NSUN6: variants seen among roughly 807,000 people sequenced by gnomAD.
NSUN6 encodes the protein tRNA (cytosine(72)-C(5))-methyltransferase NSUN6.
A neutral mutation model predicts 58.0 loss-of-function variants in NSUN6; 64 were observed. The observed-to-expected ratio is 1.10, with a 90% CI of 0.90 to 1.36. The LOEUF is 1.36. NSUN6 is among the 40% of genes most tolerant of loss of function. The probability of loss-of-function intolerance (pLI) is 0.00; values close to 1 mark genes in which losing one functional copy is unlikely to be tolerated. For synonymous variants in NSUN6, 231 were observed against 193.9 expected, an observed-to-expected ratio of 1.19 and a Z score of -1.59; for missense variants, 701 against 550.1, an observed-to-expected ratio of 1.27 and a Z score of -2.74.
chr10:18,655,662 G>A (rs1447255013), upstream of NSUN6, among the ~76,000 whole-genome samples: 2 of 152,140 alleles, frequency 1.3e-5, no homozygotes, highest in Non-Finnish European at 2.9e-5. Context: ...AGTAAAGAGG[G>A]GCAAAGCTGT....
chr10:18,653,025 T>C (rs1317227418), upstream of NSUN6: 10 of 985,022 alleles, frequency 1.0e-5, no homozygotes, highest in Non-Finnish European at 1.1e-5. Flanking sequence ...GATTCTTTCA[T>C]GGCTAAAACA....
In NSUN6 at chr10:18,554,538, T is replaced by A. The variant is rs556005388; in HGVS notation, c.923-2567A>T. Among the ~76,000 whole-genome samples, 39 of 145,292 alleles carry A rather than the reference T, an allele frequency of 2.7e-4. 1 individual carries two copies. In the South Asian group the frequency reaches 7.9e-3, roughly 29 times the overall value. On this transcript the variant is annotated intron_variant, in intron 8 of 10. Transcript: ENST00000377304. ...CGGAACGTGGAATGCAGAATGGGTA[T>A]GAATGGAATAGAGAATTGAATGGAA... is the stretch of plus-strand genomic sequence containing the variant.
rs145369889 is a variant in NSUN6, at chr10:18,648,415, C to T, written c.231+75G>A. On this transcript the variant is annotated intron_variant, in intron 2 of 10. Coordinates refer to ENST00000377304, the MANE Select transcript of NSUN6 (RefSeq NM_182543.5). ...AAAACTGGAAGTGTATTATATCATT[C>T]ATAGGATTTTAATGGAAAACATGGT... 1.1e-4 allele frequency: 99 copies of T among 917,162 alleles called. 2 individuals are homozygous for T. The Admixed American group carries it at 1.6e-3, about 15-fold the overall frequency. 56.8% of individuals were successfully genotyped at this position (917,162 alleles called of 1,614,324 possible).
rs772988480 is a variant in NSUN6, at chr10:18,551,822, C to T, written c.1071+1G>A. On this transcript the variant is annotated splice_donor_variant, in intron 9 of 10. Transcript: ENST00000377304. LOFTEE classifies it high-confidence loss of function. ...TTTCACAAAAACAGACCACCACATA[C>T]TGCAGTGAAGAGTTTTCGCTGTAAT... 3.0e-5 allele frequency: 48 copies of T among 1,610,944 alleles called. No individual in the cohort carries two copies. In the Middle Eastern group the frequency reaches 4.9e-4, roughly 17 times the overall value.
At chr10:18,573,289 CCCATT>C (rs1351976982) in intron 8 of NSUN6, among the ~76,000 whole-genome samples, 1 of 146,030 alleles carries the variant, frequency 6.8e-6, no homozygotes, top group Non-Finnish European at 1.5e-5. Context: ...CATACTCCAT[CCCATT>C]CCATTCTCCA....
At chr10:18,639,282 C>A (rs1263558416) in intron 3 of NSUN6, among the ~76,000 whole-genome samples, 1 of 152,100 alleles carries the variant, frequency 6.6e-6, no homozygotes, top group Non-Finnish European at 1.5e-5. Context: ...ATCATGAAGT[C>A]AGAAGTTGGA....
chr10:18,643,659 C>G (rs1042301036), intron 2 of NSUN6, among the ~76,000 whole-genome samples: 7 of 152,076 alleles, frequency 4.6e-5, no homozygotes, highest in Non-Finnish European at 7.4e-5. Flanking sequence ...TAAATTCCAC[C>G]TCAATCAATC....
chr10:18,550,464 T>C (rs983068275), intron 9 of NSUN6, among the ~76,000 whole-genome samples: 1 of 152,144 alleles, frequency 6.6e-6, no homozygotes, highest in Admixed American at 6.5e-5. Flanking sequence ...TAGCCTTGTA[T>C]TTTGGAGGGC....
Position 18,635,099 on chromosome 10 carries a change from G to A in NSUN6, c.311+7377C>T, listed in dbSNP as rs866719492. Reference sequence around the variant, plus strand: ...GATTTTGGTATGTGCTACGCAGAGGGTGCCTATGTGACCAGCCCAATAAAA... The same window carrying A: ...GATTTTGGTATGTGCTACGCAGAGGATGCCTATGTGACCAGCCCAATAAAA... On this transcript the variant is annotated intron_variant, in intron 3 of 10. Coordinates refer to ENST00000377304, the MANE Select transcript of NSUN6 (RefSeq NM_182543.5). 1.2e-4 allele frequency among the ~76,000 whole-genome samples: 19 copies of A among 152,248 alleles called. No individual in the cohort carries two copies. The Middle Eastern group carries it at 0.01, about 82-fold the overall frequency.
chr10:18,653,295 T>C (rs532877999), upstream of NSUN6: 399 of 981,772 alleles, frequency 4.1e-4, 1 homozygote, highest in African/African-American at 6.4e-3. Context: ...CTATAAACTA[T>C]GGAAAGAAAA....
At chr10:18,548,493 C>G (rs1037296622) in intron 9 of NSUN6, among the ~76,000 whole-genome samples, 1 of 152,142 alleles carries the variant, frequency 6.6e-6, no homozygotes, top group Non-Finnish European at 1.5e-5. Context: ...CACCGTCATG[C>G]CTTTGGATAC....
In NSUN6 at chr10:18,651,421, G is replaced by A. The variant is rs1012770025; in HGVS notation, c.-218C>T. ...CCGGGCTTCCACCACACCTCATCGA[G>A]GCAATGTTTTCTGGTAGAGATGCTC... On this transcript the variant is annotated 5_prime_UTR_variant, in exon 1 of 11. Coordinates refer to ENST00000377304, the MANE Select transcript of NSUN6 (RefSeq NM_182543.5). 19 of 1,241,412 alleles carry A rather than the reference G, an allele frequency of 1.5e-5. No homozygotes were observed. The highest frequency in any genetic ancestry group is 1.9e-5 in the Non-Finnish European group (19 of 992,106). The allele number at this position is 1,241,412 out of a possible 1,614,324, so 76.9% of individuals were successfully genotyped here. A position where few individuals can be genotyped will look rare whatever the true frequency, so the allele number is the denominator to read the frequency against.
At chr10:18,651,775 C>G, upstream of NSUN6, 2 of 985,394 alleles carry the variant, frequency 2.0e-6, no homozygotes, top group Non-Finnish European at 1.2e-6. Flanking sequence ...TTTCACCTGC[C>G]TCAGGTTAAG....
upstream of NSUN6, among the ~76,000 whole-genome samples, chr10:18,657,276 T>A (rs2059787725): frequency 6.6e-6 from 1 of 152,216 alleles, no homozygotes; most frequent in African/African-American, 2.4e-5. Flanking sequence ...TGTAAAAATT[T>A]TAGATTTCCA....
At chr10:18,569,330 T>A (rs1369453916) in intron 8 of NSUN6, among the ~76,000 whole-genome samples, 4 of 150,842 alleles carry the variant, frequency 2.7e-5, no homozygotes, top group South Asian at 2.1e-4. Context: ...TATTCACCAT[T>A]GCATTTCATT....
intron 10 of NSUN6, among the ~76,000 whole-genome samples, chr10:18,547,547 G>A (rs2054351659): frequency 6.6e-6 from 1 of 152,028 alleles, no homozygotes. Flanking sequence ...AAATATCCTG[G>A]ACTAAAAATT....
intron 8 of NSUN6, among the ~76,000 whole-genome samples, 166 bp downstream of exon 8, chr10:18,585,783 G>A (rs1049071118): frequency 2.0e-5 from 2 of 97,644 alleles, no homozygotes; most frequent in African/African-American, 8.1e-5. Context: ...TGCTATGAGA[G>A]TAAATTTCAA....
chr10:18,586,955 C>G (rs1006840149), intron 7 of NSUN6, among the ~76,000 whole-genome samples: 2 of 152,124 alleles, frequency 1.3e-5, no homozygotes, highest in African/African-American at 4.8e-5. Flanking sequence ...TCCTCTAGCT[C>G]GACAGAAAGG....
Position 18,584,157 on chromosome 10 carries a change from T to C in NSUN6, c.922+1792A>G, listed in dbSNP as rs554188851. Among the ~76,000 whole-genome samples, 7 of 152,274 alleles carry C rather than the reference T, an allele frequency of 4.6e-5. No individual in the cohort carries two copies. The East Asian group carries it at 1.4e-3, about 29-fold the overall frequency. The stretch of plus-strand genomic sequence containing the variant: ...CTCTTGTGGGGAGTAGGGGGCACTT[T>C]CATCCACCAGGAGGACATATCGAAA... On this transcript the variant is annotated intron_variant, in intron 8 of 10. Coordinates refer to ENST00000377304, the MANE Select transcript of NSUN6 (RefSeq NM_182543.5).
Sources: allele counts gnomAD v4.1 joint callset (sites outside exome capture counted in the v4.1 genomes callset), GRCh38; gene constraint gnomAD v4.1.1; transcripts MANE v1.5; gene names NCBI Gene and HGNC (gene_info 2026-07-23, HGNC 2026-07-21).